USP2: variants seen among roughly 807,000 people sequenced by gnomAD.
USP2 encodes the protein ubiquitin specific peptidase 2.
Under a neutral mutation model 72.0 loss-of-function variants are expected in USP2, and 33 were observed. The observed-to-expected ratio is 0.46, with a 90% CI of 0.35 to 0.61. The LOEUF (loss-of-function observed/expected upper bound fraction) is 0.61. Among genes scored for constraint, USP2 ranks in the 20% least tolerant of loss-of-function variants. The pLI, the probability that USP2 is intolerant of heterozygous loss-of-function variation, is 0.01. For synonymous variants in USP2, 296 were observed against 312.5 expected, an observed-to-expected ratio of 0.95 and a Z score of 0.56; for missense variants, 691 against 797.8, an observed-to-expected ratio of 0.87 and a Z score of 1.61.
chr11:119,359,490 A>G, intron 4 of USP2, 47 bp downstream of exon 4: 1 of 1,611,068 alleles, frequency 6.2e-7, no homozygotes, highest in African/African-American at 1.3e-5. Flanking sequence ...AGTGGAGTGG[A>G]GGAGCATCCG....
At chr11:119,368,177 C>T (rs1950880397) in intron 2 of USP2, among the ~76,000 whole-genome samples, 1 of 152,234 alleles carries the variant, frequency 6.6e-6, no homozygotes, top group South Asian at 2.1e-4. Context: ...GCCAAGGGGC[C>T]CCTCTGGCTT....
At position 119,356,842 on chromosome 11, in the gene USP2, C is replaced by G. The variant is rs777131363; in HGVS notation, c.1811G>C (p.Arg604Pro). The G allele has an allele frequency of 2.6e-6, 4 of 1,562,704 alleles. No individual in the cohort carries two copies. The Middle Eastern group carries it at 5.8e-4, about 228-fold the overall frequency. Residue 604 changes from arginine (R) to proline (P), a missense_variant, in exon 13 of 13, where the codon CGA becomes CCA. Physicochemically the swap from Arg to Pro is moderately radical, Grantham distance 103. Transcript: ENST00000260187. ...GGGACGTGGCTCCTGGCGCTACATT[C>G]GGGAGGGCGGGCTGGCCAGTTCGTA... ...LFYELASPPS[R>P]M
chr11:119,378,225 C>G (rs1039874001), intron 1 of USP2, among the ~76,000 whole-genome samples: 1 of 149,348 alleles, frequency 6.7e-6, no homozygotes, highest in Non-Finnish European at 1.5e-5. Context: ...CTCCCAGCTG[C>G]TTGGGTCACC....
intron 1 of USP2, among the ~76,000 whole-genome samples, chr11:119,375,736 C>A (rs528536577): frequency 6.6e-6 from 1 of 152,218 alleles, no homozygotes; most frequent in African/African-American, 2.4e-5. Context: ...GGCTCCTCCC[C>A]ACAGCTCTCC....
chr11:119,357,432 G>A (rs1398796456), intron 11 of USP2, 51 bp downstream of exon 11: 2 of 1,612,820 alleles, frequency 1.2e-6, no homozygotes, highest in East Asian at 4.5e-5. Flanking sequence ...CCTCCCTCCG[G>A]CCTTGCACAC....
At chr11:119,360,578 G>C (rs1950748161) in intron 2 of USP2, among the ~76,000 whole-genome samples, 1 of 151,790 alleles carries the variant, frequency 6.6e-6, no homozygotes, top group South Asian at 2.1e-4. Flanking sequence ...TGTGTGCCAC[G>C]ATGCCCGGCT....
chr11:119,375,904 G>A (rs999874062), intron 1 of USP2, among the ~76,000 whole-genome samples: 10 of 152,176 alleles, frequency 6.6e-5, no homozygotes, highest in Non-Finnish European at 1.5e-4. Flanking sequence ...CTTTGGAGCC[G>A]GAGGTGGGGC....
At chr11:119,364,158 C>G in intron 2 of USP2, 1 of 1,205,526 alleles carries the variant, frequency 8.3e-7, no homozygotes, top group Non-Finnish European at 1.0e-6. Flanking sequence ...TCAACCTCCC[C>G]GGCGTGCGCC....
intron 2 of USP2, 75 bp downstream of exon 2, chr11:119,372,632 C>A: frequency 7.1e-7 from 1 of 1,411,910 alleles, no homozygotes; most frequent in South Asian, 1.4e-5. Flanking sequence ...GGTTGGGAGT[C>A]GAGCCCTCAG....
chr11:119,363,257 T>C (rs1325738962), intron 2 of USP2, among the ~76,000 whole-genome samples: 2 of 152,136 alleles, frequency 1.3e-5, no homozygotes, highest in African/African-American at 4.8e-5. Context: ...GCCCCGGCAT[T>C]CCCCTGGGGG....
chr11:119,356,063 A>AC lies in USP2; in HGVS notation c.*771_*772insG, dbSNP rs1458312522. The AC allele has an allele frequency of 1.3e-5, 2 of 151,092 alleles. No individual in the cohort carries two copies. The highest frequency in any genetic ancestry group is 3.4e-3 in the Middle Eastern group (1 of 294). The allele number at this position is 151,092 out of a possible 1,614,324, so 9.4% of individuals were successfully genotyped here. A position where few individuals can be genotyped will look rare whatever the true frequency, so the allele number is the denominator to read the frequency against. On this transcript the variant is annotated 3_prime_UTR_variant, in exon 13 of 13. Transcript: ENST00000260187. ...TCAAAACATTAAAAAAAAAAAAAAAAAACCCAAACCCCCAAAACAGAAACT... is the reference window on the plus strand; with the variant it reads ...TCAAAACATTAAAAAAAAAAAAAAAACAACCCAAACCCCCAAAACAGAAACT...
At chr11:119,369,818 C>T (rs946477985) in intron 2 of USP2, among the ~76,000 whole-genome samples, 3 of 152,156 alleles carry the variant, frequency 2.0e-5, no homozygotes, top group African/African-American at 7.2e-5. Context: ...CTCAGATGAC[C>T]TCTCCCTTTC....
chr11:119,374,717 T>G (rs1444658746), intron 1 of USP2, among the ~76,000 whole-genome samples: 2 of 151,930 alleles, frequency 1.3e-5, no homozygotes, highest in Non-Finnish European at 2.9e-5. Flanking sequence ...GCAAGTAGGG[T>G]CAGACGCCTT....
At chr11:119,377,702 G>A (rs891286089) in intron 1 of USP2, among the ~76,000 whole-genome samples, 4 of 152,154 alleles carry the variant, frequency 2.6e-5, no homozygotes, top group Admixed American at 2.6e-4. Context: ...CCCATGCTGG[G>A]TGAGTCAGGG....
chr11:119,378,868 C>T lies in USP2; in HGVS notation c.-42+2605G>A, dbSNP rs529712063. 4.1e-5 allele frequency: 21 copies of T among 513,654 alleles called. No homozygotes were observed. In the East Asian group the frequency reaches 6.0e-4, roughly 15 times the overall value. 31.8% of individuals were successfully genotyped at this position (513,654 alleles called of 1,614,324 possible). ...TCATCTTTCCTCTGTTCTCAGCCTCCGGAGGAGCCTTTGGTCTTGCCCCTG... is the reference window on the plus strand; with the variant it reads ...TCATCTTTCCTCTGTTCTCAGCCTCTGGAGGAGCCTTTGGTCTTGCCCCTG... On this transcript the variant is annotated intron_variant, in intron 1 of 12. Coordinates refer to ENST00000260187, the MANE Select transcript of USP2 (RefSeq NM_004205.5).
In USP2 at chr11:119,373,289, A is replaced by G; in HGVS notation, c.192T>C (p.Arg64=). The part of the protein sequence containing the change: ...VPTSSFLTRP[R]TYGPSSLLDY... ...CCAGGAGGGAGGAGGGGCCATAGGT[A>G]CGGGGACGGGTGAGGAAGCTGCTGG... is the stretch of plus-strand genomic sequence containing the variant. The change falls in exon 2 of 13, where the codon CGT becomes CGC. Residue 64 remains arginine, a synonymous_variant. Transcript: ENST00000260187. 3 of 1,613,796 alleles carry G rather than the reference A, an allele frequency of 1.9e-6. No homozygotes were observed. Among genetic ancestry groups the G allele is most frequent in the South Asian group, 1.1e-5 (1 of 91,078 alleles).
Position 119,372,818 on chromosome 11 carries a change from A to G in USP2, c.663T>C (p.Pro221=). Residue 221 remains proline (P), a synonymous_variant, in exon 2 of 13, where the codon CCT becomes CCC. Coordinates refer to ENST00000260187, the MANE Select transcript of USP2 (RefSeq NM_004205.5). ...VPSQAPPSRV[P]EIISPTYRPI... The stretch of plus-strand genomic sequence containing the variant: ...GTCGGTAGGTTGGGCTGATGATTTC[A>G]GGGACTCGTGAGGGAGGGGCCTGGG... The G allele has an allele frequency of 1.2e-6, 2 of 1,606,976 alleles. No individual in the cohort carries two copies. The highest frequency in any genetic ancestry group is 1.7e-5 in the Admixed American group (1 of 59,276).
Position 119,373,409 on chromosome 11 carries a change from C to T in USP2, c.72G>A (p.Lys24=), listed in dbSNP as rs1039150812. The T allele has an allele frequency of 1.2e-6, 2 of 1,606,456 alleles. No homozygotes were observed. The highest frequency in any genetic ancestry group is 1.1e-5 in the South Asian group (1 of 91,054). The change falls in exon 2 of 13, where the codon AAG becomes AAA. Residue 24 remains lysine (K), a synonymous_variant. Coordinates refer to ENST00000260187, the MANE Select transcript of USP2 (RefSeq NM_004205.5). ...SARYTDAHYA[K]SGYGAYTPSS... is the part of the protein sequence containing the mutation. ...ACGGGGTGTAGGCACCATAGCCCGA[C>T]TTGGCATAGTGGGCATCTGTGTAGC...
rs780371117 is a variant in USP2, at chr11:119,357,521, C to G, written c.1571G>C (p.Arg524Thr). 1.2e-6 allele frequency: 2 copies of G among 1,614,164 alleles called. No individual in the cohort carries two copies. The highest frequency in any genetic ancestry group is 1.7e-5 in the Admixed American group (1 of 60,024). The change falls in exon 11 of 13, where the codon AGA (arginine) becomes ACA (threonine). Residue 524 changes from arginine to threonine, a missense_variant. Arg to Thr is a moderately conservative substitution (Grantham distance 71). Coordinates refer to ENST00000260187, the MANE Select transcript of USP2 (RefSeq NM_004205.5). ...GGCAAATTCTCTTAAGTCCAGGTCT[C>G]TTAGGGGGAAGTTCACAAATGTTGT... ...KLTTFVNFPL[R>T]DLDLREFASE...
Sources: gnomAD v4.1 joint callset for allele counts (sites outside exome capture counted in the v4.1 genomes callset) on GRCh38, gnomAD v4.1.1 for gene constraint, MANE v1.5 for transcripts, NCBI Gene and HGNC (gene_info 2026-07-23, HGNC 2026-07-21) for gene names.